Variants in SULF1 observed in about 807,000 individuals in gnomAD.
The protein encoded by SULF1 is sulfatase 1, also known as extracellular sulfatase Sulf-1.
Under a neutral mutation model 110.5 loss-of-function variants are expected in SULF1, and 46 were observed. The ratio of observed to expected loss-of-function variants is 0.42; its 90% CI spans 0.33 to 0.53. SULF1 has a LOEUF of 0.53. SULF1 is among the 20% of genes least tolerant of loss of function. The probability of loss-of-function intolerance (pLI) is 0.12; values close to 1 mark genes in which losing one functional copy is unlikely to be tolerated. For synonymous variants in SULF1, 371 were observed against 387.1 expected (o/e 0.96, Z 0.49); for missense variants, 941 against 1,094.2 (o/e 0.86, Z 1.98).
intron 3 of SULF1, among the ~76,000 whole-genome samples, chr8:69,507,383 A>T (rs916823526): frequency 6.6e-6 from 1 of 152,182 alleles, no homozygotes; most frequent in South Asian, 2.1e-4. Flanking sequence ...CATTTGATCT[A>T]TGTTGATCTT....
intron 11 of SULF1, 48 bp downstream of exon 11, chr8:69,603,368 C>T: frequency 1.2e-6 from 2 of 1,612,226 alleles, no homozygotes; most frequent in Non-Finnish European, 1.7e-6. Flanking sequence ...CACTGAGCTC[C>T]AGCTGGTGCC....
intron 13 of SULF1, 103 bp from the exon 14 acceptor site, chr8:69,620,932 G>A: frequency 1.1e-6 from 1 of 891,142 alleles, no homozygotes; most frequent in East Asian, 2.6e-5. Context: ...GATATTGCCA[G>A]TGCTTCTAAA....
intron 3 of SULF1, among the ~76,000 whole-genome samples, chr8:69,511,444 G>T (rs1811550725): frequency 1.3e-5 from 2 of 152,148 alleles, no homozygotes; most frequent in South Asian, 4.2e-4. Context: ...TAACTGGCTG[G>T]ATATTTTTAC....
intron 13 of SULF1, 55 bp downstream of exon 13, chr8:69,604,987 T>C (rs1586530086): frequency 7.5e-6 from 12 of 1,595,514 alleles, no homozygotes; most frequent in Non-Finnish European, 9.4e-6. Context: ...ATCTCTAATT[T>C]AGAAAATTGT....
chr8:69,571,785 A>T (rs1271720834), intron 5 of SULF1, among the ~76,000 whole-genome samples: 1 of 152,216 alleles, frequency 6.6e-6, no homozygotes, highest in East Asian at 1.9e-4. Flanking sequence ...TCAATGGCAC[A>T]ATCACAGTGG....
At chr8:69,572,796 C>T (rs1006918739) in intron 5 of SULF1, among the ~76,000 whole-genome samples, 7 of 152,136 alleles carry the variant, frequency 4.6e-5, no homozygotes, top group Admixed American at 2.6e-4. Flanking sequence ...CTCAGAATCT[C>T]TTTACTGAGA....
At chr8:69,611,469 G>T (rs1440233061) in intron 13 of SULF1, among the ~76,000 whole-genome samples, 1 of 151,982 alleles carries the variant, frequency 6.6e-6, no homozygotes, top group Non-Finnish European at 1.5e-5. Context: ...AAGAAAACAG[G>T]CCAGGAGATA....
At chr8:69,621,278 A>C in intron 14 of SULF1, 27 bp downstream of exon 14, 927 of 1,552,738 alleles carry the variant, frequency 6.0e-4, no homozygotes, top group Non-Finnish European at 7.4e-4. Flanking sequence ...TGACCATCTC[A>C]ATGGTGGCCT....
chr8:69,627,965 G>T, intron 17 of SULF1, 99 bp downstream of exon 17: 1 of 964,946 alleles, frequency 1.0e-6, no homozygotes, highest in Non-Finnish European at 1.6e-6. Context: ...CCTATAGAAT[G>T]TATTGTCATA....
intron 22 of SULF1, among the ~76,000 whole-genome samples, chr8:69,653,409 C>T (rs1812502958): frequency 6.6e-6 from 1 of 152,092 alleles, no homozygotes; most frequent in Non-Finnish European, 1.5e-5. Context: ...AAAATATTTA[C>T]CAGTTTATTA....
intron 3 of SULF1, among the ~76,000 whole-genome samples, chr8:69,526,799 AAGGAAGG>A (rs1812707715): frequency 2.1e-4 from 1 of 4,818 alleles, no homozygotes; most frequent in Non-Finnish European, 5.4e-4. Context: ...TCAAGAAAGA[AAGGAAGG>A]AAGGAAGGAA....
At chr8:69,480,166 C>A (rs931865285) in intron 1 of SULF1, among the ~76,000 whole-genome samples, 1 of 152,166 alleles carries the variant, frequency 6.6e-6, no homozygotes, top group Non-Finnish European at 1.5e-5. Flanking sequence ...AACACACTAT[C>A]CACTGTTGAT....
chr8:69,570,130 A>G (rs1421895304), intron 5 of SULF1, among the ~76,000 whole-genome samples: 1 of 152,170 alleles, frequency 6.6e-6, no homozygotes, highest in Non-Finnish European at 1.5e-5. Context: ...TTCATCATAA[A>G]AGAATGACAT....
chr8:69,609,973 A>T (rs954752157), intron 13 of SULF1, among the ~76,000 whole-genome samples: 2 of 152,208 alleles, frequency 1.3e-5, no homozygotes, highest in Admixed American at 6.5e-5. Flanking sequence ...TTGACGTCTT[A>T]AATAGGAGCT....
chr8:69,539,951 G>A (rs1301378923), intron 3 of SULF1, among the ~76,000 whole-genome samples: 2 of 152,154 alleles, frequency 1.3e-5, no homozygotes, highest in East Asian at 3.9e-4. Context: ...GTACCTGGGT[G>A]AATTTAAGGG....
At chr8:69,509,309 G>A (rs1811406416) in intron 3 of SULF1, among the ~76,000 whole-genome samples, 1 of 151,928 alleles carries the variant, frequency 6.6e-6, no homozygotes, top group South Asian at 2.1e-4. Context: ...TTTAATGGTT[G>A]GCAAAAATTC....
chr8:69,547,928 G>A (rs745330043), intron 3 of SULF1, among the ~76,000 whole-genome samples: 1 of 152,088 alleles, frequency 6.6e-6, no homozygotes, highest in Non-Finnish European at 1.5e-5. Flanking sequence ...GTTAAATATG[G>A]AAAATGGCAA....
chr8:69,557,026 G>GT (rs1346607080), intron 3 of SULF1, among the ~76,000 whole-genome samples: 1 of 152,142 alleles, frequency 6.6e-6, no homozygotes, highest in Non-Finnish European at 1.5e-5. Context: ...GTGCTGTTTG[G>GT]TTTTCTGTTC....
chr8:69,603,337 C>T lies in SULF1; in HGVS notation c.1190+17C>T, dbSNP rs1033289186. On this transcript the variant is annotated intron_variant, in intron 11 of 22. Transcript: ENST00000402687. ...AGGTAACAGGTGTGTCATTGTTCCT[C>T]CTCTCAGCCAGCCCCAAATACACTG... The T allele has an allele frequency of 1.9e-5, 30 of 1,613,770 alleles. No individual in the cohort carries two copies. Among genetic ancestry groups the T allele is most frequent in the African/African-American group, 2.7e-5 (2 of 74,922 alleles).
Sources: allele counts gnomAD v4.1 joint callset (sites outside exome capture counted in the v4.1 genomes callset), GRCh38; gene constraint gnomAD v4.1.1; transcripts MANE v1.5; gene names NCBI Gene and HGNC (gene_info 2026-07-23, HGNC 2026-07-21).